The following SMOC1 variants were observed in gnomAD, a reference collection of about 807,000 sequenced individuals.
SMOC1 encodes SPARC-related modular calcium-binding protein 1.
SMOC1 carries 22 observed loss-of-function variants against 56.3 expected under a neutral mutation model. The observed-to-expected ratio is 0.39, with a 90% CI of 0.28 to 0.56. The LOEUF (loss-of-function observed/expected upper bound fraction) is 0.56. Ranked by LOEUF, SMOC1 falls within the 20% of genes least tolerant of loss-of-function variation. The probability of loss-of-function intolerance (pLI) is 0.61; values close to 1 mark genes in which losing one functional copy is unlikely to be tolerated. For missense variants in SMOC1, 509 were observed against 565.4 expected (o/e 0.90, Z 1.01); for synonymous variants, 193 against 215.0 (o/e 0.90, Z 0.89).
At chr14:70,001,599 G>T (rs1884971928) in intron 7 of SMOC1, among the ~76,000 whole-genome samples, 1 of 152,110 alleles carries the variant, frequency 6.6e-6, no homozygotes, top group African/African-American at 2.4e-5. Context: ...CCCTGCCCTT[G>T]GTCAGCTACT....
chr14:69,928,045 C>A (rs935173086), intron 1 of SMOC1, among the ~76,000 whole-genome samples: 4 of 152,308 alleles, frequency 2.6e-5, no homozygotes, highest in Admixed American at 2.0e-4. Context: ...CAGTGCGATT[C>A]CTGCCAAAGA....
At chr14:69,948,749 TAC>T (rs1882886137) in intron 1 of SMOC1, among the ~76,000 whole-genome samples, 1 of 152,178 alleles carries the variant, frequency 6.6e-6, no homozygotes. Flanking sequence ...CAAGAACTTA[TAC>T]GTGACTTAGG....
chr14:69,979,279 C>T (rs1445085603), intron 5 of SMOC1, among the ~76,000 whole-genome samples: 2 of 152,098 alleles, frequency 1.3e-5, no homozygotes, highest in Admixed American at 6.6e-5. Flanking sequence ...AACCTGCTGC[C>T]CCCAAATGCA....
chr14:69,997,390 C>T (rs115948556), intron 7 of SMOC1, among the ~76,000 whole-genome samples: 164 of 152,314 alleles, frequency 1.1e-3, no homozygotes, highest in African/African-American at 3.6e-3. Flanking sequence ...TTGCATGTAG[C>T]GGAGATAAAC....
intron 3 of SMOC1, among the ~76,000 whole-genome samples, chr14:69,965,377 A>AAATAATAATAATAATAATAATAAT (rs544015097): frequency 1.2e-3 from 140 of 113,920 alleles, no homozygotes; most frequent in Middle Eastern, 3.9e-3. Context: ...CAAGACTCTC[A>AAATAATAATAATAATAATAATAAT]AATAATAATA....
intron 7 of SMOC1, among the ~76,000 whole-genome samples, chr14:70,004,247 G>A (rs1453902743): frequency 6.6e-6 from 1 of 152,142 alleles, no homozygotes; most frequent in Non-Finnish European, 1.5e-5. Flanking sequence ...TGTAAGATTA[G>A]CCTTTTTTCT....
chr14:69,909,259 A>G (rs1884492518), intron 1 of SMOC1, among the ~76,000 whole-genome samples: 1 of 152,218 alleles, frequency 6.6e-6, no homozygotes, highest in South Asian at 2.1e-4. Flanking sequence ...TCCCTGAATC[A>G]TGGTGCATAT....
rs58714036 is a variant in SMOC1, at chr14:69,985,041, GAA to G, written c.526+7087_526+7088del. Among the ~76,000 whole-genome samples, 254 of 136,654 alleles carry G rather than the reference GAA, an allele frequency of 1.9e-3. 1 individual carries two copies. The highest frequency in any genetic ancestry group is 6.0e-3 in the African/African-American group (227 of 37,990). 89.7% of individuals were successfully genotyped at this position (136,654 alleles called of 152,430 possible). A position where few individuals can be genotyped will look rare whatever the true frequency, so the allele number is the denominator to read the frequency against. On this transcript the variant is annotated intron_variant, in intron 5 of 11. Transcript: ENST00000361956. The stretch of plus-strand genomic sequence containing the variant: ...GGAGTGAGACCCTGTCTCAAAAAAA[GAA>G]AAAAAAAAAAGAAAAGAAAGAAATT...
chr14:69,954,998 G>A (rs555896516), intron 3 of SMOC1, among the ~76,000 whole-genome samples: 3 of 152,296 alleles, frequency 2.0e-5, no homozygotes, highest in Non-Finnish European at 2.9e-5. Context: ...ATTCAAATGG[G>A]CAGCCAGGCT....
At chr14:69,947,093 C>A (rs1477625932) in intron 1 of SMOC1, among the ~76,000 whole-genome samples, 1 of 145,504 alleles carries the variant, frequency 6.9e-6, no homozygotes, top group Non-Finnish European at 1.5e-5. Flanking sequence ...GCCGGCCTTC[C>A]TTCCTTCCTT....
At chr14:69,880,911 G>A (rs773284557) in intron 1 of SMOC1, among the ~76,000 whole-genome samples, 1 of 152,198 alleles carries the variant, frequency 6.6e-6, no homozygotes, top group Admixed American at 6.5e-5. Flanking sequence ...AAAAAGTCTT[G>A]CAATGCTTGA....
At chr14:69,894,703 C>A (rs1333475330) in intron 1 of SMOC1, among the ~76,000 whole-genome samples, 1 of 152,162 alleles carries the variant, frequency 6.6e-6, no homozygotes, top group Non-Finnish European at 1.5e-5. Context: ...GGAGAGGGGG[C>A]TTCCCTCTTA....
chr14:69,924,043 A>G (rs538266656), intron 1 of SMOC1, among the ~76,000 whole-genome samples: 2 of 152,374 alleles, frequency 1.3e-5, no homozygotes, highest in Non-Finnish European at 2.9e-5. Context: ...GTGGAACGTC[A>G]ACAGCATCCG....
intron 11 of SMOC1, among the ~76,000 whole-genome samples, chr14:70,023,914 G>A (rs74905613): frequency 2.7e-3 from 405 of 152,148 alleles, no homozygotes; most frequent in Non-Finnish European, 4.3e-3. Context: ...TCCAGGCTGA[G>A]AGTGACTCTG....
At chr14:69,907,618 A>G (rs1457358649) in intron 1 of SMOC1, among the ~76,000 whole-genome samples, 1 of 152,230 alleles carries the variant, frequency 6.6e-6, no homozygotes, top group Admixed American at 6.5e-5. Context: ...ATTAGCCGAC[A>G]TTCGGTAAGA....
At chr14:69,994,137 C>T (rs954606377) in intron 6 of SMOC1, 2 of 527,064 alleles carry the variant, frequency 3.8e-6, no homozygotes, top group African/African-American at 3.8e-5. Context: ...TATTTTTATT[C>T]CTGGATGGAG....
intron 3 of SMOC1, among the ~76,000 whole-genome samples, chr14:69,962,485 G>A (rs1883420341): frequency 6.6e-6 from 1 of 151,784 alleles, no homozygotes; most frequent in African/African-American, 2.4e-5. Flanking sequence ...TCAGATATAT[G>A]ATTCACAAAT....
intron 5 of SMOC1, among the ~76,000 whole-genome samples, chr14:69,983,107 C>T (rs543632280): frequency 9.2e-5 from 14 of 152,312 alleles, no homozygotes; most frequent in Admixed American, 4.6e-4. Flanking sequence ...GCTACTCAAC[C>T]GCCTCCATTT....
At chr14:69,892,491 G>A (rs1164685444) in intron 1 of SMOC1, among the ~76,000 whole-genome samples, 1 of 152,172 alleles carries the variant, frequency 6.6e-6, no homozygotes, top group Non-Finnish European at 1.5e-5. Context: ...GACTTAGACT[G>A]TCCATCTTTG....
Sources: allele counts gnomAD v4.1 joint callset (sites outside exome capture counted in the v4.1 genomes callset), GRCh38; gene constraint gnomAD v4.1.1; transcripts MANE v1.5; gene names NCBI Gene and HGNC (gene_info 2026-07-23, HGNC 2026-07-21).